SERPINB10: variants seen among roughly 807,000 people sequenced by gnomAD.
SERPINB10 encodes serpin B10.
A neutral mutation model predicts 39.1 loss-of-function variants in SERPINB10; 35 were observed. That is an observed-to-expected ratio of 0.90 (90% CI 0.68 to 1.19). The LOEUF is 1.19. Ranked by LOEUF, SERPINB10 falls within the 50% of genes most tolerant of loss-of-function variation. The pLI is 0.00. For missense variants in SERPINB10, 546 were observed against 460.5 expected (o/e 1.19, Z -1.70); for synonymous variants, 190 against 158.1 (o/e 1.20, Z -1.52).
At chr18:63,922,617 T>C (rs1006592987) in intron 5 of SERPINB10, among the ~76,000 whole-genome samples, 2 of 151,992 alleles carry the variant, frequency 1.3e-5, no homozygotes, top group Admixed American at 6.6e-5. Flanking sequence ...AGAAGACAGC[T>C]GTTGTCTGGT....
chr18:63,930,808 T>C (rs1403668654), intron 6 of SERPINB10, among the ~76,000 whole-genome samples: 5 of 152,166 alleles, frequency 3.3e-5, no homozygotes, highest in African/African-American at 1.2e-4. Context: ...TGACAGAACA[T>C]AGCTACTCAC....
intron 6 of SERPINB10, among the ~76,000 whole-genome samples, chr18:63,931,510 A>C (rs1034717575): frequency 6.6e-6 from 1 of 152,196 alleles, no homozygotes; most frequent in Non-Finnish European, 1.5e-5. Flanking sequence ...AGTTCGACAT[A>C]GAATGGAAAA....
intron 4 of SERPINB10, among the ~76,000 whole-genome samples, chr18:63,918,601 T>A (rs1397889276): frequency 6.6e-6 from 1 of 151,976 alleles, no homozygotes; most frequent in African/African-American, 2.4e-5. Flanking sequence ...CAACATCTCT[T>A]TGGGCAGGAG....
At chr18:63,929,488 A>G (rs1443830884) in intron 5 of SERPINB10, among the ~76,000 whole-genome samples, 2 of 152,062 alleles carry the variant, frequency 1.3e-5, no homozygotes, top group Non-Finnish European at 2.9e-5. Flanking sequence ...ATAAAGGTAC[A>G]GAGAAAAAGA....
chr18:63,931,539 A>G (rs2050222140), intron 6 of SERPINB10, among the ~76,000 whole-genome samples: 1 of 152,148 alleles, frequency 6.6e-6, no homozygotes, highest in Non-Finnish European at 1.5e-5. Context: ...TGTCTACAAC[A>G]TCTAAGTTGC....
rs1440554757 is a variant in SERPINB10 at position 63,933,182 on chromosome 18, A to G, written c.768A>G (p.Glu256=). ...RDLSLLILLP[E]DINGLEQLEK... ...TCAGCCTGCTTATACTACTGCCAGA[A>G]GACATTAATGGGCTGGAACAGGTAA... is the stretch of plus-strand genomic sequence containing the variant. The change falls in exon 7 of 8, where the codon GAA becomes GAG. Residue 256 remains glutamate (E), a synonymous_variant. Coordinates refer to ENST00000238508, the MANE Select transcript of SERPINB10 (RefSeq NM_005024.3). The G allele has an allele frequency of 6.2e-7, 1 of 1,613,964 alleles. No individual in the cohort carries two copies. The highest frequency in any genetic ancestry group is 1.3e-5 in the African/African-American group (1 of 74,918).
At chr18:63,925,202 A>T (rs982481500) in intron 5 of SERPINB10, among the ~76,000 whole-genome samples, 1 of 152,040 alleles carries the variant, frequency 6.6e-6, no homozygotes, top group Non-Finnish European at 1.5e-5. Flanking sequence ...ATGACCTTCT[A>T]GTCTTCAATA....
Position 63,934,875 on chromosome 18 carries a change from G to A in SERPINB10, c.827G>A (p.Trp276Ter). 6.2e-7 allele frequency: 1 copy of A among 1,612,484 alleles called. No individual in the cohort carries two copies. Among genetic ancestry groups the A allele is most frequent in the South Asian group, 1.1e-5 (1 of 90,542 alleles). Reference protein sequence around the residue: ...KAITYEKLNEWTSADMMELYE... With the variant: ...KAITYEKLNE ...ATCACCTATGAGAAGCTGAATGAGT[G>A]GACCAGTGCAGACATGATGGAGTTG... The change falls in exon 8 of 8, where the codon TGG becomes TAG. Residue 276 changes from tryptophan to a stop codon, truncating the protein, a stop_gained. Transcript: ENST00000238508. LOFTEE classifies it high-confidence loss of function.
chr18:63,932,949 C>T (rs550262456), intron 6 of SERPINB10, 99 bp from the exon 7 acceptor site: 2 of 1,123,938 alleles, frequency 1.8e-6, no homozygotes, highest in African/African-American at 3.1e-5. Flanking sequence ...TCAGCAGTTT[C>T]ACCAACTGAG....
chr18:63,912,428 GA>G (rs2050071702), intron 1 of SERPINB10, among the ~76,000 whole-genome samples: 1 of 151,972 alleles, frequency 6.6e-6, no homozygotes, highest in Non-Finnish European at 1.5e-5. Context: ...GTTTGTTACA[GA>G]TAGCTCTTAT....
Position 63,915,680 on chromosome 18 carries a change from T to C in SERPINB10, c.168+2T>C, listed in dbSNP as rs773245289. The stretch of plus-strand genomic sequence containing the variant: ...ACCACTGCAGCCCAAATGGCCCAGG[T>C]GAGTGGAAAAGGTCAACTATCTTCT... On this transcript the variant is annotated splice_donor_variant, in intron 2 of 7. Transcript: ENST00000238508. LOFTEE classifies it high-confidence loss of function. The C allele has an allele frequency of 1.4e-5, 23 of 1,601,550 alleles. No homozygotes were observed. The East Asian group carries it at 5.2e-4, about 36-fold the overall frequency.
Position 63,933,134 on chromosome 18 carries a change from A to G in SERPINB10, c.720A>G (p.Gln240=), listed in dbSNP as rs754122451. ...AAAAGCCAAAAGCAGTGGGCCTTCA[A>G]CTCTACTACAAAAGCCGTGACCTCA... ...HIEKPKAVGL[Q]LYYKSRDLSL... The change falls in exon 7 of 8, where the codon CAA becomes CAG. Residue 240 remains glutamine (Q), a synonymous_variant. Transcript: ENST00000238508. 15 of 1,613,878 alleles carry G rather than the reference A, an allele frequency of 9.3e-6. No homozygotes were observed. Among genetic ancestry groups the G allele is most frequent in the African/African-American group, 1.3e-5 (1 of 74,890 alleles).
At chr18:63,926,304 C>T (rs1483533090) in intron 5 of SERPINB10, among the ~76,000 whole-genome samples, 2 of 151,974 alleles carry the variant, frequency 1.3e-5, no homozygotes, top group Non-Finnish European at 2.9e-5. Flanking sequence ...TCTGCATCTT[C>T]TCATGGCACT....
At chr18:63,912,165 G>T (rs1412947510) in intron 1 of SERPINB10, among the ~76,000 whole-genome samples, 5 of 151,948 alleles carry the variant, frequency 3.3e-5, no homozygotes, top group African/African-American at 9.7e-5. Context: ...CCATTTTTCG[G>T]TTCCAGGAGG....
At chr18:63,916,611 A>G (rs1021012258) in intron 2 of SERPINB10, among the ~76,000 whole-genome samples, 1 of 152,132 alleles carries the variant, frequency 6.6e-6, no homozygotes, top group African/African-American at 2.4e-5. Context: ...CAACTTGTTA[A>G]TGACAGGTTC....
At chr18:63,934,621 A>T (rs2050247728) in intron 7 of SERPINB10, among the ~76,000 whole-genome samples, 1 of 152,206 alleles carries the variant, frequency 6.6e-6, no homozygotes, top group Admixed American at 6.5e-5. Context: ...TTAAACTCTA[A>T]TTCTCCTATA....
At chr18:63,934,336 G>A (rs2050245481) in intron 7 of SERPINB10, among the ~76,000 whole-genome samples, 1 of 150,664 alleles carries the variant, frequency 6.6e-6, no homozygotes, top group Non-Finnish European at 1.5e-5. Context: ...GAGATTTGGA[G>A]GATTTTCTTA....
intron 5 of SERPINB10, among the ~76,000 whole-genome samples, chr18:63,924,904 A>T (rs1236749673): frequency 6.6e-6 from 1 of 152,024 alleles, no homozygotes; most frequent in African/African-American, 2.4e-5. Flanking sequence ...GTAACCTTGT[A>T]AAACAGCATT....
intron 5 of SERPINB10, among the ~76,000 whole-genome samples, chr18:63,922,009 T>G (rs1013502016): frequency 6.6e-6 from 1 of 151,966 alleles, no homozygotes; most frequent in African/African-American, 2.4e-5. Flanking sequence ...CAGACATTTA[T>G]GCAAACCTTT....
Sources: allele counts gnomAD v4.1 joint callset (sites outside exome capture counted in the v4.1 genomes callset), GRCh38; gene constraint gnomAD v4.1.1; transcripts MANE v1.5; gene names NCBI Gene and HGNC (gene_info 2026-07-23, HGNC 2026-07-21).